The following PBX1 variants were observed in gnomAD, a reference collection of about 807,000 sequenced individuals.
PBX1 encodes PBX homeobox 1.
Under a neutral mutation model 53.4 loss-of-function variants are expected in PBX1, and 6 were observed. That is an observed-to-expected ratio of 0.11 (90% CI 0.06 to 0.22). The LOEUF is 0.22. Ranked by LOEUF, PBX1 falls within the 10% of genes least tolerant of loss-of-function variation. PBX1 has a pLI of 1.00. For synonymous variants in PBX1, 204 were observed against 212.3 expected (o/e 0.96, Z 0.34); for missense variants, 251 against 551.4 (o/e 0.46, Z 5.46).
chr1:164,871,699 G>C (rs1164768752), intron 2 of PBX1, among the ~76,000 whole-genome samples: 10 of 152,254 alleles, frequency 6.6e-5, no homozygotes, highest in African/African-American at 2.4e-4. Context: ...TGGGGAGCCT[G>C]TGAGGATAAC....
chr1:164,563,187 A>G (rs781604321), intron 1 of PBX1, 51 bp from the exon 2 acceptor site: 2 of 1,244,026 alleles, frequency 1.6e-6, no homozygotes, highest in Admixed American at 3.6e-5. Flanking sequence ...CATTATCGGC[A>G]GTTTGATCTT....
rs150814921 is a variant in PBX1 at position 164,841,612 on chromosome 1, G to A, written c.1201-4972G>A. Among the ~76,000 whole-genome samples the A allele has an allele frequency of 6.2e-3, 947 of 152,192 alleles. 9 individuals carry two copies. The highest frequency in any genetic ancestry group is 0.021 in the African/African-American group (874 of 41,516). ...ACGTCCCTAAGGGGGCTTTCCAATAGCATCTTTTCAAAGTGCTGTCTGTGT... is the reference window on the plus strand; with the variant it reads ...ACGTCCCTAAGGGGGCTTTCCAATAACATCTTTTCAAAGTGCTGTCTGTGT... On this transcript the variant is annotated intron_variant, in intron 8 of 8. Transcript: ENST00000420696.
chr1:164,727,250 G>A (rs1430127781), intron 2 of PBX1, among the ~76,000 whole-genome samples: 2 of 152,124 alleles, frequency 1.3e-5, no homozygotes, highest in Non-Finnish European at 2.9e-5. Flanking sequence ...CTTAATATCT[G>A]CCTTATGATC....
intron 2 of PBX1, among the ~76,000 whole-genome samples, chr1:164,872,276 G>A (rs1005726421): frequency 6.6e-6 from 1 of 152,178 alleles, no homozygotes; most frequent in African/African-American, 2.4e-5. Context: ...TCCATGTGCG[G>A]ACAGCATTCA....
At chr1:164,808,749 A>T (rs1669469575) in intron 5 of PBX1, among the ~76,000 whole-genome samples, 2 of 152,178 alleles carry the variant, frequency 1.3e-5, no homozygotes, top group African/African-American at 2.4e-5. Flanking sequence ...AGCTCCACAA[A>T]AGTATTGACA....
intron 2 of PBX1, among the ~76,000 whole-genome samples, chr1:164,690,386 T>C (rs1405493496): frequency 6.6e-6 from 1 of 152,192 alleles, no homozygotes; most frequent in Non-Finnish European, 1.5e-5. Flanking sequence ...TCAGGCCTAC[T>C]CTGAAAAGGG....
intron 6 of PBX1, chr1:164,815,225 A>T (rs1038249586): frequency 2.0e-5 from 3 of 152,252 alleles, no homozygotes; most frequent in Non-Finnish European, 2.9e-5. Flanking sequence ...TCTTCTGCAG[A>T]GGATTTTAAC....
intron 1 of PBX1, among the ~76,000 whole-genome samples, chr1:164,561,393 G>A (rs968300449): frequency 6.6e-5 from 10 of 152,136 alleles, no homozygotes; most frequent in African/African-American, 2.4e-4. Flanking sequence ...TTGAAAACTT[G>A]GAAATGTTGA....
chr1:164,635,962 C>T (rs1385426130), intron 2 of PBX1, among the ~76,000 whole-genome samples: 2 of 152,108 alleles, frequency 1.3e-5, no homozygotes. Context: ...GCTTCCTGTG[C>T]TGGATCACAT....
At chr1:164,687,008 A>G (rs186057233) in intron 2 of PBX1, among the ~76,000 whole-genome samples, 21 of 152,220 alleles carry the variant, frequency 1.4e-4, no homozygotes, top group Admixed American at 4.6e-4. Context: ...TGAGTGATGC[A>G]TTGACCTTTC....
chr1:164,735,393 C>T (rs768717406), intron 2 of PBX1, among the ~76,000 whole-genome samples: 12 of 152,196 alleles, frequency 7.9e-5, no homozygotes, highest in Admixed American at 2.0e-4. Flanking sequence ...GTATGTGCTC[C>T]ATGAGTACAG....
chr1:164,654,608 C>T (rs1384663937), intron 2 of PBX1, among the ~76,000 whole-genome samples: 1 of 152,144 alleles, frequency 6.6e-6, no homozygotes, highest in Non-Finnish European at 1.5e-5. Context: ...TCTGTACTTT[C>T]TAAAGAGTCA....
chr1:164,609,297 A>G (rs1019630197), intron 2 of PBX1, among the ~76,000 whole-genome samples: 2 of 152,106 alleles, frequency 1.3e-5, no homozygotes, highest in African/African-American at 4.8e-5. Context: ...CACAAAATTG[A>G]GCGTGCTGGT....
chr1:164,872,322 A>T (rs1233794464), intron 2 of PBX1, among the ~76,000 whole-genome samples: 2 of 152,006 alleles, frequency 1.3e-5, no homozygotes, highest in Non-Finnish European at 2.9e-5. Flanking sequence ...TTGTATAGCA[A>T]CCTCCCTTTC....
At chr1:164,799,366 C>T (rs1370371565) in intron 3 of PBX1, among the ~76,000 whole-genome samples, 2 of 152,066 alleles carry the variant, frequency 1.3e-5, no homozygotes, top group Non-Finnish European at 2.9e-5. Context: ...TGGCGGGCGC[C>T]TGTAGTCCCA....
intron 2 of PBX1, among the ~76,000 whole-genome samples, chr1:164,610,721 G>T (rs934795581): frequency 3.3e-5 from 5 of 152,166 alleles, no homozygotes; most frequent in African/African-American, 1.2e-4. Context: ...CATCACCCTT[G>T]CTGTGATGGG....
At chr1:164,662,971 A>C (rs575672170) in intron 2 of PBX1, among the ~76,000 whole-genome samples, 2 of 152,280 alleles carry the variant, frequency 1.3e-5, no homozygotes, top group Non-Finnish European at 2.9e-5. Context: ...ACAACTCTAA[A>C]ATACAAATGT....
At chr1:164,632,295 C>T (rs556691068) in intron 2 of PBX1, among the ~76,000 whole-genome samples, 2 of 152,306 alleles carry the variant, frequency 1.3e-5, no homozygotes, top group African/African-American at 4.8e-5. Flanking sequence ...TTTAGTGCCC[C>T]TGCTACCCTC....
chr1:164,719,377 A>G (rs1664281899), intron 2 of PBX1, among the ~76,000 whole-genome samples: 1 of 152,222 alleles, frequency 6.6e-6, no homozygotes, highest in Non-Finnish European at 1.5e-5. Context: ...AAGTTCTATG[A>G]CAAATATACA....
Sources: gnomAD v4.1 joint callset for allele counts (sites outside exome capture counted in the v4.1 genomes callset) on GRCh38, gnomAD v4.1.1 for gene constraint, MANE v1.5 for transcripts, NCBI Gene and HGNC (gene_info 2026-07-23, HGNC 2026-07-21) for gene names.